Variants in BRD4 observed in about 807,000 individuals in gnomAD.
The protein encoded by BRD4 is bromodomain containing 4.
In BRD4, 16 loss-of-function variants were observed where a neutral mutation model predicts 142.1. The ratio of observed to expected loss-of-function variants is 0.11; its 90% CI spans 0.08 to 0.17. The LOEUF (loss-of-function observed/expected upper bound fraction) is 0.17. Among genes scored for constraint, BRD4 ranks in the 10% least tolerant of loss-of-function variants. BRD4 has a pLI of 1.00. For missense variants in BRD4, 1,424 were observed against 1,810.9 expected (o/e 0.79, Z 3.88); for synonymous variants, 833 against 707.5 (o/e 1.18, Z -2.82).
chr19:15,263,366 C>T, intron 7 of BRD4, 54 bp downstream of exon 7: 1 of 1,583,942 alleles, frequency 6.3e-7, no homozygotes, highest in Non-Finnish European at 8.6e-7. Flanking sequence ...AGTCTGCTCC[C>T]ACGAGGACCT....
intron 1 of BRD4, among the ~76,000 whole-genome samples, chr19:15,304,405 G>T (rs1256661757): frequency 6.6e-6 from 1 of 152,328 alleles, no homozygotes; most frequent in Admixed American, 6.5e-5. Context: ...GGGGGAGTAG[G>T]AAACAGTTAA....
intron 2 of BRD4, among the ~76,000 whole-genome samples, chr19:15,271,833 G>C (rs2047590494): frequency 6.8e-6 from 1 of 146,144 alleles, no homozygotes; most frequent in African/African-American, 2.7e-5. Context: ...TGAAGCAATA[G>C]CACCAGACAG....
At chr19:15,274,867 T>TC (rs2047628969) in intron 1 of BRD4, among the ~76,000 whole-genome samples, 12 of 151,014 alleles carry the variant, frequency 7.9e-5, no homozygotes, top group Admixed American at 7.9e-4. Context: ...AGCTGAATTT[T>TC]CCTTTTTTTT....
At chr19:15,261,414 G>A (rs11666671) in intron 7 of BRD4, among the ~76,000 whole-genome samples, 24,032 of 151,892 alleles carry the variant, frequency 0.16, 2,010 homozygotes, top group Middle Eastern at 0.2. Context: ...ACCAGGAGGC[G>A]GAGGTTGCAG....
chr19:15,238,250 T>C lies in BRD4; in HGVS notation c.*127A>G. 1 of 1,477,320 alleles carries C rather than the reference T, an allele frequency of 6.8e-7. No homozygotes were observed. The highest frequency in any genetic ancestry group is 9.2e-7 in the Non-Finnish European group (1 of 1,092,516). The allele number at this position is 1,477,320 out of a possible 1,614,324, so 91.5% of individuals were successfully genotyped here. ...CTGCCCGTCAGGCCTGCCCCGGGCATAGCATGCAGGAGGGCCAGGCCCTGA... is the reference window on the plus strand; with the variant it reads ...CTGCCCGTCAGGCCTGCCCCGGGCACAGCATGCAGGAGGGCCAGGCCCTGA... On this transcript the variant is annotated 3_prime_UTR_variant, in exon 20 of 20. Coordinates refer to ENST00000679869, the MANE Select transcript of BRD4 (RefSeq NM_001379291.1). This position sits in a 1 kb window ranked among gnomAD's most constrained non-coding sequence, Gnocchi z 7.2.
In BRD4 at chr19:15,253,452, C is replaced by G. The variant is rs1208629142; in HGVS notation, c.2158+700G>C. ...TCAGAAGGTGGGCTCTAATGGGGAA[C>G]CCAGGGTCCAACGTGCAGACCCACG... On this transcript the variant is annotated intron_variant, in intron 11 of 19. Transcript: ENST00000679869. The G allele has an allele frequency of 5.1e-6, 6 of 1,173,628 alleles. No individual in the cohort carries two copies. The African/African-American group carries it at 9.2e-5, about 18-fold the overall frequency. 72.7% of individuals were successfully genotyped at this position (1,173,628 alleles called of 1,614,324 possible). A position where few individuals can be genotyped will look rare whatever the true frequency, so the allele number is the denominator to read the frequency against.
chr19:15,331,666 G>A (rs2048160310), intron 1 of BRD4, among the ~76,000 whole-genome samples: 2 of 152,066 alleles, frequency 1.3e-5, no homozygotes, highest in Admixed American at 1.3e-4. Flanking sequence ...CGCCGGGAAG[G>A]TGAAGAGATG....
chr19:15,246,639 A>C (rs2047289390), intron 11 of BRD4: 1 of 151,790 alleles, frequency 6.6e-6, no homozygotes, highest in Non-Finnish European at 1.5e-5. Context: ...AGGGATGGTC[A>C]CTCTAACCCC....
chr19:15,296,950 GAAAC>G (rs577364706), intron 1 of BRD4, among the ~76,000 whole-genome samples: 51 of 152,084 alleles, frequency 3.4e-4, no homozygotes, highest in Non-Finnish European at 5.9e-4. Flanking sequence ...GCCACCACAT[GAAAC>G]AAACAGATAC....
intron 1 of BRD4, among the ~76,000 whole-genome samples, chr19:15,292,927 GCT>G (rs1338711700): frequency 1.3e-4 from 20 of 151,702 alleles, no homozygotes; most frequent in African/African-American, 4.8e-4. Flanking sequence ...GGGTAACTCT[GCT>G]CACACTGCTG....
chr19:15,244,300 G>A lies in BRD4; in HGVS notation c.2512C>T (p.His838Tyr). The A allele has an allele frequency of 6.3e-7, 1 of 1,596,718 alleles. No homozygotes were observed. The highest frequency in any genetic ancestry group is 1.1e-5 in the South Asian group (1 of 88,006). Residue 838 changes from histidine to tyrosine, a missense_variant, in exon 13 of 20, where the codon CAC (histidine) becomes TAC (tyrosine). Physicochemically the swap from His to Tyr is moderately conservative, Grantham distance 83. Around this residue, in one of 16 missense-constraint regions of BRD4, gnomAD observed 598 missense variants for 647.8 expected, o/e 0.92. Transcript: ENST00000679869. ...CTGTGCTCAGGCGGCTGGGGCAGGT[G>A]AGGGGGCAGCTCAGGCTGCGGCAGG... Reference protein sequence around the residue: ...LHLPQPELPPHLPQPPEHSTP... With the variant: ...LHLPQPELPPYLPQPPEHSTP...
rs1378604940 is a variant in BRD4 at position 15,244,700 on chromosome 19, G to A, written c.2211+10C>T. 6.2e-7 allele frequency: 1 copy of A among 1,614,144 alleles called. No homozygotes were observed. Among genetic ancestry groups the A allele is most frequent in the Non-Finnish European group, 8.5e-7 (1 of 1,180,024 alleles). ...CCCACCTAATGAAGGATGCCCCTGA[G>A]CCCATGTACCTTCTTCTGCTCCCTC... On this transcript the variant is annotated intron_variant, in intron 12 of 19. Coordinates refer to ENST00000679869, the MANE Select transcript of BRD4 (RefSeq NM_001379291.1).
intron 2 of BRD4, among the ~76,000 whole-genome samples, chr19:15,270,831 C>G (rs1382078949): frequency 6.6e-6 from 1 of 152,188 alleles, no homozygotes; most frequent in South Asian, 2.1e-4. Context: ...TCAGCCCCCA[C>G]CAAATGCCCT....
chr19:15,276,358 C>A (rs776660604), intron 1 of BRD4, among the ~76,000 whole-genome samples: 1 of 152,148 alleles, frequency 6.6e-6, no homozygotes. Context: ...CTTCCCACAG[C>A]GGTTCCCCCC....
intron 1 of BRD4, among the ~76,000 whole-genome samples, chr19:15,311,045 C>T (rs2047965730): frequency 6.6e-6 from 1 of 151,816 alleles, no homozygotes; most frequent in South Asian, 2.1e-4. Flanking sequence ...AATCCCAGCA[C>T]TTTGGGAGGC....
intron 1 of BRD4, among the ~76,000 whole-genome samples, chr19:15,300,658 G>C (rs1212102057): frequency 6.6e-6 from 1 of 150,496 alleles, no homozygotes; most frequent in Non-Finnish European, 1.5e-5. Flanking sequence ...AAAAAAGAAA[G>C]AAAATGCACC....
In BRD4 at chr19:15,242,971, G is replaced by C; in HGVS notation, c.3098C>G (p.Pro1033Arg). Reference sequence around the variant, plus strand: ...CTGGATGACTTGCTGAGGCTTGGCAGGCTGCGGCGGGGGTGGCTGCTGGCC... The same window carrying C: ...CTGGATGACTTGCTGAGGCTTGGCACGCTGCGGCGGGGGTGGCTGCTGGCC... ...PPGQQPPPPQ[P>R]AKPQQVIQHH... The change falls in exon 14 of 20, where the codon CCT becomes CGT. Residue 1033 changes from proline to arginine, a missense_variant. Physicochemically the swap from Pro to Arg is moderately radical, Grantham distance 103. This residue lies in a region of BRD4 where 598 missense variants were observed against 647.8 expected (regional missense o/e 0.92). Transcript: ENST00000679869. 1 of 1,595,020 alleles carries C rather than the reference G, an allele frequency of 6.3e-7. No homozygotes were observed. The highest frequency in any genetic ancestry group is 1.4e-5 in the African/African-American group (1 of 73,100).
intron 1 of BRD4, among the ~76,000 whole-genome samples, chr19:15,315,448 T>C (rs544841894): frequency 6.6e-6 from 1 of 152,152 alleles, no homozygotes; most frequent in African/African-American, 2.4e-5. Flanking sequence ...GTTGACCGAG[T>C]TCCACTTGGT....
At chr19:15,271,581 GCT>G (rs1230647540) in intron 2 of BRD4, among the ~76,000 whole-genome samples, 2 of 152,146 alleles carry the variant, frequency 1.3e-5, no homozygotes, top group East Asian at 3.8e-4. Flanking sequence ...CTGTGCATCT[GCT>G]CTGAGAATTT....
Sources: allele counts gnomAD v4.1 joint callset (sites outside exome capture counted in the v4.1 genomes callset), GRCh38; gene constraint gnomAD v4.1.1; regional missense constraint gnomAD v4.1.1; non-coding constraint Gnocchi (gnomAD v3.1); transcripts MANE v1.5; gene names NCBI Gene and HGNC (gene_info 2026-07-23, HGNC 2026-07-21).